Variants in KCNQ5 observed in about 807,000 individuals in gnomAD.
KCNQ5 encodes potassium voltage-gated channel subfamily Q member 5.
In KCNQ5, 30 loss-of-function variants were observed where a neutral mutation model predicts 98.2. The observed-to-expected ratio is 0.31, with a 90% CI of 0.23 to 0.41. The LOEUF (loss-of-function observed/expected upper bound fraction) is 0.41. Among genes scored for constraint, KCNQ5 ranks in the 10% least tolerant of loss-of-function variants. The pLI, the probability that KCNQ5 is intolerant of heterozygous loss-of-function variation, is 1.00. For synonymous variants in KCNQ5, 458 were observed against 449.4 expected (o/e 1.02, Z -0.24); for missense variants, 835 against 1,182.5 (o/e 0.71, Z 4.31).
At chr6:72,767,053 A>C (rs1772609629) in intron 1 of KCNQ5, among the ~76,000 whole-genome samples, 1 of 152,018 alleles carries the variant, frequency 6.6e-6, no homozygotes, top group Non-Finnish European at 1.5e-5. Flanking sequence ...GGTAAGGAAC[A>C]ATCATAGCTA....
rs1486688519 is a variant in KCNQ5 at position 73,197,937 on chromosome 6, C to T, written c.*2523C>T. 6.6e-6 allele frequency: 1 copy of T among 152,088 alleles called. No homozygotes were observed. Among genetic ancestry groups the T allele is most frequent in the African/African-American group, 2.4e-5 (1 of 41,398 alleles). The allele number at this position is 152,088 out of a possible 1,614,324, so 9.4% of individuals were successfully genotyped here. On this transcript the variant is annotated 3_prime_UTR_variant, in exon 14 of 14. Transcript: ENST00000370398. ...TTAATCATAGCAAAATGTGATAAACCATGTTGTGAAAAACTTTTATACATT... is the reference window on the plus strand; with the variant it reads ...TTAATCATAGCAAAATGTGATAAACTATGTTGTGAAAAACTTTTATACATT...
intron 2 of KCNQ5, among the ~76,000 whole-genome samples, chr6:73,026,270 T>C (rs1040558087): frequency 7.2e-5 from 11 of 152,212 alleles, no homozygotes; most frequent in Admixed American, 1.3e-4. Flanking sequence ...CTAAAAACTA[T>C]GTAGGGACAC....
chr6:72,918,735 G>A (rs1443208306), intron 1 of KCNQ5, among the ~76,000 whole-genome samples: 1 of 152,050 alleles, frequency 6.6e-6, no homozygotes, highest in African/African-American at 2.4e-5. Flanking sequence ...AAATTTTCGG[G>A]TCCTATCTAC....
At chr6:73,070,078 A>C (rs896108264) in intron 3 of KCNQ5, among the ~76,000 whole-genome samples, 2 of 152,214 alleles carry the variant, frequency 1.3e-5, no homozygotes, top group South Asian at 2.1e-4. Flanking sequence ...CGAGGAAGAC[A>C]ATAAAGAAGG....
chr6:73,175,115 C>T (rs1778162254), intron 11 of KCNQ5, among the ~76,000 whole-genome samples: 1 of 152,118 alleles, frequency 6.6e-6, no homozygotes, highest in South Asian at 2.1e-4. Flanking sequence ...GTTACCTTCC[C>T]ACTACCTGGA....
At chr6:73,096,647 T>A (rs1229461354) in intron 5 of KCNQ5, among the ~76,000 whole-genome samples, 3 of 152,244 alleles carry the variant, frequency 2.0e-5, no homozygotes, top group Non-Finnish European at 1.5e-5. Context: ...ATTATAGTTG[T>A]ATATATTTCT....
In KCNQ5 at chr6:72,889,332, TGGAGCCTC is replaced by T. The variant is rs368331214; in HGVS notation, c.399-114572_399-114565del. On this transcript the variant is annotated intron_variant, in intron 1 of 13. Coordinates refer to ENST00000370398, the MANE Select transcript of KCNQ5 (RefSeq NM_019842.4). ...AGGGGAAGCAGATTAGATAGGACCT[TGGAGCCTC>T]GGAAGCCACTGGGAAGCTTTGATCA... 2.0e-3 allele frequency among the ~76,000 whole-genome samples: 302 copies of T among 152,036 alleles called. 2 individuals are homozygous for T. Among genetic ancestry groups the T allele is most frequent in the African/African-American group, 6.7e-3 (278 of 41,524 alleles).
intron 3 of KCNQ5, among the ~76,000 whole-genome samples, chr6:73,051,057 G>A (rs1772211217): frequency 6.6e-6 from 1 of 152,208 alleles, no homozygotes; most frequent in Non-Finnish European, 1.5e-5. Context: ...GTAGGTTTGT[G>A]TATGAACGTA....
chr6:72,999,975 C>G (rs556847773), intron 1 of KCNQ5, among the ~76,000 whole-genome samples: 57 of 152,102 alleles, frequency 3.7e-4, no homozygotes, highest in African/African-American at 1.1e-3. Context: ...AAATATCCCC[C>G]CTCTATGTTC....
At chr6:72,986,659 G>A (rs1768791515) in intron 1 of KCNQ5, 3 of 814,600 alleles carry the variant, frequency 3.7e-6, no homozygotes, top group East Asian at 5.0e-5. Context: ...ATCCCAGGAA[G>A]CAGGTGCTTG....
At chr6:72,901,665 T>G (rs1427122801) in intron 1 of KCNQ5, among the ~76,000 whole-genome samples, 2 of 152,178 alleles carry the variant, frequency 1.3e-5, no homozygotes, top group Non-Finnish European at 1.5e-5. Context: ...TGTAAGTATC[T>G]GGGTTTATTT....
At chr6:73,109,538 A>G (rs1310560822) in intron 6 of KCNQ5, among the ~76,000 whole-genome samples, 1 of 152,250 alleles carries the variant, frequency 6.6e-6, no homozygotes, top group African/African-American at 2.4e-5. Flanking sequence ...AAATAAAGAA[A>G]TCTTTCCTAA....
chr6:72,651,020 A>T (rs1355751177), intron 1 of KCNQ5, among the ~76,000 whole-genome samples: 1 of 152,076 alleles, frequency 6.6e-6, no homozygotes, highest in Non-Finnish European at 1.5e-5. Flanking sequence ...AGGAGATAAT[A>T]TTTTGTAAAC....
At chr6:73,003,401 T>C (rs1361460267) in intron 1 of KCNQ5, among the ~76,000 whole-genome samples, 1 of 152,134 alleles carries the variant, frequency 6.6e-6, no homozygotes, top group Non-Finnish European at 1.5e-5. Flanking sequence ...TATAAAGGAA[T>C]AGCAAATGAG....
chr6:72,744,530 G>T (rs568700349), intron 1 of KCNQ5, among the ~76,000 whole-genome samples: 1 of 152,306 alleles, frequency 6.6e-6, no homozygotes, highest in African/African-American at 2.4e-5. Context: ...TGGTAAGAGG[G>T]CCAGGCACGG....
intron 1 of KCNQ5, among the ~76,000 whole-genome samples, chr6:72,728,795 A>G (rs961824490): frequency 6.6e-6 from 1 of 152,186 alleles, no homozygotes; most frequent in South Asian, 2.1e-4. Context: ...TTAATATGAC[A>G]TCTCCTGGTA....
chr6:72,809,614 C>T (rs907641937), intron 1 of KCNQ5, among the ~76,000 whole-genome samples: 2 of 152,036 alleles, frequency 1.3e-5, no homozygotes, highest in Non-Finnish European at 2.9e-5. Flanking sequence ...TAAAACCTTG[C>T]ACACAGAACA....
Position 73,195,267 on chromosome 6 carries a change from C to T in KCNQ5, c.2652C>T (p.Asp884=). ...TGGGTCCCGAAGAGACAGAGACAGACACTTTTGATGCCGCACCGCAGCCTG... is the reference window on the plus strand; with the variant it reads ...TGGGTCCCGAAGAGACAGAGACAGATACTTTTGATGCCGCACCGCAGCCTG... The part of the protein sequence containing the change: ...EEVGPEETET[D]TFDAAPQPAR... The change falls in exon 14 of 14, where the codon GAC becomes GAT. Residue 884 remains aspartate, a synonymous_variant. Transcript: ENST00000370398. 3.1e-6 allele frequency: 5 copies of T among 1,614,196 alleles called. No homozygotes were observed. The highest frequency in any genetic ancestry group is 4.2e-6 in the Non-Finnish European group (5 of 1,180,034).
chr6:73,055,070 A>T (rs1772410422), intron 3 of KCNQ5: 1 of 661,064 alleles, frequency 1.5e-6, no homozygotes, highest in Non-Finnish European at 2.8e-6. Context: ...AGCCAAATCA[A>T]GAATGCTATC....
Sources: gnomAD v4.1 joint callset for allele counts (sites outside exome capture counted in the v4.1 genomes callset) on GRCh38, gnomAD v4.1.1 for gene constraint, MANE v1.5 for transcripts, NCBI Gene and HGNC (gene_info 2026-07-23, HGNC 2026-07-21) for gene names.